The following ATP10D variants were observed in gnomAD, a reference collection of about 807,000 sequenced individuals.
The protein encoded by ATP10D is ATPase phospholipid transporting 10D (putative).
Under a neutral mutation model 144.8 loss-of-function variants are expected in ATP10D, and 89 were observed. The observed-to-expected ratio is 0.61, with a 90% confidence interval of 0.52 to 0.73. The LOEUF (loss-of-function observed/expected upper bound fraction) is 0.73, where lower values mean the gene tolerates loss of function less well. Among genes scored for constraint, ATP10D ranks in the 30% least tolerant of loss-of-function variants. ATP10D has a pLI of 0.00. For synonymous variants in ATP10D, 571 were observed against 615.1 expected (o/e 0.93, Z 1.06); for missense variants, 1,603 against 1,714.8 (o/e 0.93, Z 1.15).
intron 2 of ATP10D, 93 bp from the exon 3 acceptor site, chr4:47,515,383 A>G: frequency 1.0e-6 from 1 of 979,034 alleles, no homozygotes; most frequent in Non-Finnish European, 1.5e-6. Context: ...ATCTACTAAT[A>G]GAAACTTACA....
At chr4:47,574,524 C>T (rs1720124847) in intron 18 of ATP10D, among the ~76,000 whole-genome samples, 1 of 152,172 alleles carries the variant, frequency 6.6e-6, no homozygotes, top group South Asian at 2.1e-4. Context: ...CCCAGAATAG[C>T]ACCCCAAACC....
intron 1 of ATP10D, among the ~76,000 whole-genome samples, chr4:47,495,955 G>A (rs1331917495): frequency 6.7e-6 from 1 of 150,026 alleles, no homozygotes; most frequent in Non-Finnish European, 1.5e-5. Context: ...CAGGCTGGTC[G>A]CGAACTCCTG....
intron 21 of ATP10D, among the ~76,000 whole-genome samples, chr4:47,586,164 G>C (rs1207533774): frequency 1.3e-5 from 2 of 152,200 alleles, no homozygotes; most frequent in East Asian, 3.8e-4. Context: ...GTTTGGCATT[G>C]CCTGTCTTTT....
intron 20 of ATP10D, 37 bp downstream of exon 20, chr4:47,580,515 G>C (rs917063753): frequency 6.5e-7 from 1 of 1,549,930 alleles, no homozygotes; most frequent in African/African-American, 1.4e-5. Context: ...TGTTATTAAT[G>C]AATCAATGAT....
intron 2 of ATP10D, among the ~76,000 whole-genome samples, chr4:47,514,365 T>C (rs932625880): frequency 1.3e-5 from 2 of 152,172 alleles, no homozygotes; most frequent in Admixed American, 1.3e-4. Flanking sequence ...GTTAGAGCTA[T>C]AGGTTTAGAT....
intron 1 of ATP10D, chr4:47,491,372 G>A: frequency 2.7e-6 from 2 of 739,206 alleles, no homozygotes; most frequent in South Asian, 2.8e-5. Flanking sequence ...AGATTCACAG[G>A]TATGTGGCCA....
At chr4:47,586,100 T>TA (rs1348334013) in intron 21 of ATP10D, among the ~76,000 whole-genome samples, 4 of 152,212 alleles carry the variant, frequency 2.6e-5, no homozygotes, top group Non-Finnish European at 5.9e-5. Context: ...TGTACTAACT[T>TA]ACATTCCCAC....
chr4:47,559,259 A>G (rs770199300), intron 13 of ATP10D, among the ~76,000 whole-genome samples: 23 of 152,330 alleles, frequency 1.5e-4, no homozygotes, highest in Middle Eastern at 3.4e-3. Flanking sequence ...GTATGTTTCA[A>G]TATGTCCGTG....
intron 9 of ATP10D, among the ~76,000 whole-genome samples, chr4:47,540,724 A>G (rs1718094488): frequency 6.6e-6 from 1 of 152,070 alleles, no homozygotes; most frequent in Admixed American, 6.5e-5. Flanking sequence ...TGAAACCCAT[A>G]TTTTATTTGG....
intron 1 of ATP10D, among the ~76,000 whole-genome samples, chr4:47,507,734 C>A (rs990562325): frequency 1.3e-5 from 2 of 152,164 alleles, no homozygotes; most frequent in African/African-American, 4.8e-5. Context: ...AGAATAAAGC[C>A]ATCTGTAACA....
chr4:47,546,972 G>C, intron 10 of ATP10D, 110 bp downstream of exon 10: 1 of 1,022,426 alleles, frequency 9.8e-7, no homozygotes. Flanking sequence ...CCTTAGAAGA[G>C]ACTACATGAT....
At chr4:47,590,486 A>G (rs1392656931) in intron 22 of ATP10D, among the ~76,000 whole-genome samples, 2 of 152,154 alleles carry the variant, frequency 1.3e-5, no homozygotes, top group Non-Finnish European at 2.9e-5. Flanking sequence ...AGTAACCAGG[A>G]AAAGAAATGA....
At chr4:47,536,635 A>T in intron 8 of ATP10D, 51 bp from the exon 9 acceptor site, 1 of 1,599,338 alleles carries the variant, frequency 6.3e-7, no homozygotes, top group Non-Finnish European at 8.5e-7. Flanking sequence ...TCAGTTTCAC[A>T]TCCTTTTTTA....
chr4:47,544,072 G>A (rs754719465), intron 9 of ATP10D, among the ~76,000 whole-genome samples: 3 of 152,100 alleles, frequency 2.0e-5, no homozygotes, highest in Non-Finnish European at 2.9e-5. Flanking sequence ...ACATATATAG[G>A]TAGATTCAGA....
intron 20 of ATP10D, 94 bp from the exon 21 acceptor site, chr4:47,581,866 G>A: frequency 1.1e-6 from 1 of 945,898 alleles, no homozygotes; most frequent in Non-Finnish European, 1.7e-6. Context: ...CCTTGTAGAA[G>A]GGATTCAAGC....
At chr4:47,561,608 G>T (rs1719306363) in intron 14 of ATP10D, among the ~76,000 whole-genome samples, 1 of 151,922 alleles carries the variant, frequency 6.6e-6, no homozygotes, top group African/African-American at 2.4e-5. Context: ...ACCTGCTACT[G>T]GACTAAGGAA....
intron 5 of ATP10D, among the ~76,000 whole-genome samples, chr4:47,533,111 CA>C (rs1717652598): frequency 6.6e-6 from 1 of 151,930 alleles, no homozygotes; most frequent in Non-Finnish European, 1.5e-5. Flanking sequence ...ATAAGGATTT[CA>C]GGGGAAAAAA....
intron 9 of ATP10D, among the ~76,000 whole-genome samples, chr4:47,538,483 T>G (rs1165906759): frequency 6.6e-6 from 1 of 152,234 alleles, no homozygotes; most frequent in Non-Finnish European, 1.5e-5. Flanking sequence ...CACTTATTAG[T>G]TTTCTATCAC....
intron 21 of ATP10D, among the ~76,000 whole-genome samples, chr4:47,584,199 A>G (rs966922312): frequency 6.6e-6 from 1 of 152,004 alleles, no homozygotes; most frequent in Admixed American, 6.5e-5. Context: ...GCCATTCTGA[A>G]AGTATAAAAC....
Sources: gnomAD v4.1 joint callset for allele counts (sites outside exome capture counted in the v4.1 genomes callset) on GRCh38, gnomAD v4.1.1 for gene constraint, MANE v1.5 for transcripts, NCBI Gene and HGNC (gene_info 2026-07-23, HGNC 2026-07-21) for gene names.